The following SGCE variants were observed in gnomAD, a reference collection of about 807,000 sequenced individuals.
SGCE encodes the protein sarcoglycan epsilon.
SGCE carries 26 observed loss-of-function variants against 57.8 expected under a neutral mutation model. That is an observed-to-expected ratio of 0.45 (90% CI 0.33 to 0.62). The LOEUF (loss-of-function observed/expected upper bound fraction) is 0.62, where lower values mean the gene tolerates loss of function less well. Ranked by LOEUF, SGCE falls within the 20% of genes least tolerant of loss-of-function variation. SGCE has a pLI of 0.02. For synonymous variants in SGCE, 183 were observed against 189.5 expected (o/e 0.97, Z 0.28); for missense variants, 468 against 548.6 (o/e 0.85, Z 1.47).
chr7:94,585,570 TA>T, intron 10 of SGCE, 55 bp from the exon 11 acceptor site: 1 of 1,270,874 alleles, frequency 7.9e-7, no homozygotes, highest in Non-Finnish European at 1.2e-6. Flanking sequence ...TGGATACTTT[TA>T]GATTTTGAGC....
At chr7:94,645,207 G>A (rs1806895456) in intron 1 of SGCE, among the ~76,000 whole-genome samples, 1 of 152,122 alleles carries the variant, frequency 6.6e-6, no homozygotes. Context: ...TTTGAGAAAT[G>A]CATTGTTAGG....
At chr7:94,609,672 A>G (rs56183893) in intron 5 of SGCE, among the ~76,000 whole-genome samples, 17,964 of 152,284 alleles carry the variant, frequency 0.12, 1,406 homozygotes, top group South Asian at 0.24. Context: ...GAGATACGCA[A>G]CACACAGATT....
chr7:94,630,417 T>G (rs1804514169), intron 1 of SGCE, among the ~76,000 whole-genome samples: 1 of 151,860 alleles, frequency 6.6e-6, no homozygotes, highest in Admixed American at 6.6e-5. Flanking sequence ...TCGCATCTCT[T>G]GTAGAAATGA....
At chr7:94,618,566 T>C (rs1802285972) in intron 5 of SGCE, 192 bp downstream of exon 5, 1 of 566,026 alleles carries the variant, frequency 1.8e-6, no homozygotes, top group South Asian at 2.3e-5. Flanking sequence ...GACCAGGAAC[T>C]TGAGATATAA....
At chr7:94,600,324 A>G (rs952295768) in intron 7 of SGCE, 23 of 298,098 alleles carry the variant, frequency 7.7e-5, no homozygotes, top group African/African-American at 4.9e-4. Flanking sequence ...ATGTCAGTAG[A>G]TTCTGCAGTC....
intron 3 of SGCE, chr7:94,624,456 A>G (rs985334425): frequency 1.4e-5 from 5 of 368,234 alleles, no homozygotes; most frequent in African/African-American, 6.3e-5. Flanking sequence ...TTTGAAAGGC[A>G]TATTACTCCA....
chr7:94,643,180 AG>A (rs1303602009), intron 1 of SGCE, among the ~76,000 whole-genome samples: 1 of 152,218 alleles, frequency 6.6e-6, no homozygotes, highest in Non-Finnish European at 1.5e-5. Context: ...GGCTATTTAA[AG>A]GATTTACTAG....
chr7:94,621,534 C>A (rs1802785014), intron 4 of SGCE: 1 of 152,168 alleles, frequency 6.6e-6, no homozygotes. Flanking sequence ...TAATCTGTAT[C>A]TACAGCACTG....
At chr7:94,644,509 A>G in intron 1 of SGCE, 1 of 435,824 alleles carries the variant, frequency 2.3e-6, no homozygotes, top group Non-Finnish European at 4.0e-6. Flanking sequence ...CAGAATATCA[A>G]GGAAGGGAAA....
At chr7:94,656,130 TCTCCC>T in exon 1 of SGCE, 8 of 1,272,282 alleles carry the variant, frequency 6.3e-6, no homozygotes, top group South Asian at 2.4e-5. Flanking sequence ...CGTCCTCGAT[TCTCCC>T]CTCCCCTCCC....
At chr7:94,649,546 GC>G (rs1287682057) in intron 1 of SGCE, among the ~76,000 whole-genome samples, 2 of 152,188 alleles carry the variant, frequency 1.3e-5, no homozygotes, top group African/African-American at 4.8e-5. Flanking sequence ...TCATCTTTGA[GC>G]TTTTCTGTCT....
rs568078953 is a variant in SGCE, at chr7:94,609,966, C to T, written c.663-6514G>A. ...ATATGGGGGCAACCAAGATGTCCTC[C>T]AGTAGGTGAATGATAATTAAACCGT... On this transcript the variant is annotated intron_variant, in intron 5 of 10. Transcript: ENST00000648936. Among the ~76,000 whole-genome samples the T allele has an allele frequency of 7.9e-5, 12 of 152,274 alleles. No individual in the cohort carries two copies. The South Asian group carries it at 1.4e-3, about 18-fold the overall frequency.
At chr7:94,645,080 C>T (rs894253524) in intron 1 of SGCE, among the ~76,000 whole-genome samples, 2 of 152,272 alleles carry the variant, frequency 1.3e-5, no homozygotes, top group Middle Eastern at 3.4e-3. Context: ...CTTATGTTTA[C>T]TAAGTGGCAG....
At chr7:94,598,339 CA>C (rs1798712990) in intron 9 of SGCE, 1 of 187,358 alleles carries the variant, frequency 5.3e-6, no homozygotes, top group Non-Finnish European at 1.1e-5. Context: ...AAAAACAACC[CA>C]AACACCCTTA....
chr7:94,628,836 A>T (rs377477348), intron 2 of SGCE: 1 of 168,758 alleles, frequency 5.9e-6, no homozygotes, highest in Non-Finnish European at 1.3e-5. Flanking sequence ...AGACGTTACA[A>T]ATCCATAACA....
intron 1 of SGCE, among the ~76,000 whole-genome samples, chr7:94,637,040 C>T (rs1186134389): frequency 7.3e-6 from 1 of 137,646 alleles, no homozygotes; most frequent in African/African-American, 2.7e-5. Flanking sequence ...GCCTAGGCAA[C>T]AAGAGCGAAA....
At position 94,624,562 on chromosome 7, in the gene SGCE, A is replaced by C. The variant is rs907462897; in HGVS notation, c.391-1165T>G. 4.9e-5 allele frequency: 11 copies of C among 226,036 alleles called. No individual in the cohort carries two copies. In the East Asian group the frequency reaches 9.3e-4, roughly 19 times the overall value. 14.0% of individuals were successfully genotyped at this position (226,036 alleles called of 1,614,324 possible). A position where few individuals can be genotyped will look rare whatever the true frequency, so the allele number is the denominator to read the frequency against. On this transcript the variant is annotated intron_variant, in intron 3 of 10. Coordinates refer to ENST00000648936, the MANE Select transcript of SGCE (RefSeq NM_003919.3). ...ATCTGTTGGGACACATGATCAATTA[A>C]TTTCACACCGGACATTAAAATTAAG... is the stretch of plus-strand genomic sequence containing the variant.
At chr7:94,605,774 AAAAC>A (rs1275354556) in intron 5 of SGCE, among the ~76,000 whole-genome samples, 3 of 152,152 alleles carry the variant, frequency 2.0e-5, no homozygotes, top group Admixed American at 6.5e-5. Flanking sequence ...ATAGAAACAA[AAAAC>A]AAAGGCAACA....
At chr7:94,636,589 G>A (rs961535652) in intron 1 of SGCE, among the ~76,000 whole-genome samples, 2 of 152,100 alleles carry the variant, frequency 1.3e-5, no homozygotes, top group Non-Finnish European at 2.9e-5. Context: ...GCTCAAGTAG[G>A]TCCCCTACTC....
Sources: gnomAD v4.1 joint callset for allele counts (sites outside exome capture counted in the v4.1 genomes callset) on GRCh38, gnomAD v4.1.1 for gene constraint, MANE v1.5 for transcripts, NCBI Gene and HGNC (gene_info 2026-07-23, HGNC 2026-07-21) for gene names.